Variants in TRIM55 observed in about 807,000 individuals in gnomAD.
TRIM55 encodes the protein tripartite motif-containing protein 55.
In TRIM55, 50 loss-of-function variants were observed where a neutral mutation model predicts 60.9. That is an observed-to-expected ratio of 0.82 (90% CI 0.65 to 1.04). The LOEUF (loss-of-function observed/expected upper bound fraction) is 1.04. TRIM55 is among the 50% of genes least tolerant of loss of function. TRIM55 has a pLI of 0.00. For missense variants in TRIM55, 681 were observed against 666.9 expected, an observed-to-expected ratio of 1.02 and a Z score of -0.23; for synonymous variants, 237 against 238.1, an observed-to-expected ratio of 1.00 and a Z score of 0.04.
At chr8:66,170,278 A>G (rs1209867346) in intron 9 of TRIM55, among the ~76,000 whole-genome samples, 3 of 152,156 alleles carry the variant, frequency 2.0e-5, no homozygotes, top group African/African-American at 7.2e-5. Flanking sequence ...CCATCATCCT[A>G]GTTTCTGTCT....
chr8:66,154,287 G>A lies in TRIM55; in HGVS notation c.1477G>A (p.Ala493Thr). 2 of 1,614,126 alleles carry A rather than the reference G, an allele frequency of 1.2e-6. No homozygotes were observed. The highest frequency in any genetic ancestry group is 1.7e-6 in the Non-Finnish European group (2 of 1,180,026). The change falls in exon 9 of 10, where the codon GCA becomes ACA. Residue 493 changes from alanine to threonine, a missense_variant. Ala to Thr is a moderately conservative substitution (Grantham distance 58). Coordinates refer to ENST00000315962, the MANE Select transcript of TRIM55 (RefSeq NM_184085.2). ...EVAAAAASER[A>T]AVSGKETSAP... Reference sequence around the variant, plus strand: ...GGCAGCAGCCGCAGCGAGTGAGAGGGCAGCTGTGAGTGGTAAGGAAACTAG... The same window carrying A: ...GGCAGCAGCCGCAGCGAGTGAGAGGACAGCTGTGAGTGGTAAGGAAACTAG...
At chr8:66,127,654 C>T (rs1808886526) in intron 1 of TRIM55, among the ~76,000 whole-genome samples, 1 of 151,882 alleles carries the variant, frequency 6.6e-6, no homozygotes, top group Admixed American at 6.6e-5. Flanking sequence ...TGGCAAAACC[C>T]CATCTCCACT....
Position 66,153,859 on chromosome 8 carries a change from A to T in TRIM55, c.1237-188A>T, listed in dbSNP as rs144204537. Among the ~76,000 whole-genome samples, 432 of 152,264 alleles carry T rather than the reference A, an allele frequency of 2.8e-3. 4 individuals carry two copies. Among genetic ancestry groups the T allele is most frequent in the African/African-American group, 9.4e-3 (392 of 41,544 alleles). Reference sequence around the variant, plus strand: ...GGGCACCCATCCAGATGCTGGACAGAGGGGCACTGTAGTCACCATTCTGCC... The same window carrying T: ...GGGCACCCATCCAGATGCTGGACAGTGGGGCACTGTAGTCACCATTCTGCC... On this transcript the variant is annotated intron_variant, in intron 8 of 9. Coordinates refer to ENST00000315962, the MANE Select transcript of TRIM55 (RefSeq NM_184085.2).
intron 7 of TRIM55, 138 bp downstream of exon 7, chr8:66,150,604 G>T (rs1810362269): frequency 3.0e-6 from 3 of 985,616 alleles, no homozygotes; most frequent in Non-Finnish European, 4.5e-6. Context: ...TATCCAATGT[G>T]AAGCTCTATT....
intron 9 of TRIM55, among the ~76,000 whole-genome samples, chr8:66,161,259 C>G (rs984913499): frequency 2.6e-5 from 4 of 152,070 alleles, no homozygotes; most frequent in Non-Finnish European, 4.4e-5. Context: ...GCCAATTATC[C>G]CAGCACCATT....
intron 2 of TRIM55, among the ~76,000 whole-genome samples, chr8:66,130,373 T>C (rs893992065): frequency 6.6e-6 from 1 of 152,246 alleles, no homozygotes; most frequent in Non-Finnish European, 1.5e-5. Flanking sequence ...GGGACAATTT[T>C]ACTTGGTAGC....
chr8:66,121,985 G>T (rs1808650157), upstream of TRIM55, among the ~76,000 whole-genome samples: 1 of 152,118 alleles, frequency 6.6e-6, no homozygotes, highest in Non-Finnish European at 1.5e-5. Flanking sequence ...ATTTGGGAGT[G>T]AATAAAATGT....
Position 66,154,064 on chromosome 8 carries a change from T to C in TRIM55, c.1254T>C (p.Thr418=), listed in dbSNP as rs144208714. The change falls in exon 9 of 10, where the codon ACT becomes ACC. Residue 418 remains threonine, a synonymous_variant. Coordinates refer to ENST00000315962, the MANE Select transcript of TRIM55 (RefSeq NM_184085.2). ...APVTQGEVVP[T]GSEQTTESET... ...TGATTAAGGGGGAGGTTGTACCCAC[T>C]GGCTCTGAGCAGACCACAGAGTCTG... The C allele has an allele frequency of 3.9e-4, 626 of 1,613,802 alleles. 1 individual carries two copies. The highest frequency in any genetic ancestry group is 2.0e-3 in the Middle Eastern group (12 of 6,062).
upstream of TRIM55, among the ~76,000 whole-genome samples, chr8:66,125,386 A>G (rs58457127): frequency 0.023 from 3,580 of 152,350 alleles, 148 homozygotes; most frequent in African/African-American, 0.081. Context: ...AGAGCCTCAC[A>G]CAATGGAGAC....
In TRIM55 at chr8:66,174,550, G is replaced by T; in HGVS notation, c.1604G>T (p.Arg535Leu). ...AGTGGAGCTGATTCTGAGCCAGCTCGCCATATCTTCTCCTTTTCCTGGTTG... is the reference window on the plus strand; with the variant it reads ...AGTGGAGCTGATTCTGAGCCAGCTCTCCATATCTTCTCCTTTTCCTGGTTG... ...SGSGADSEPARHIFSFSWLNS... is the reference protein window; with the variant it reads ...SGSGADSEPALHIFSFSWLNS... The change falls in exon 10 of 10, where the codon CGC becomes CTC. Residue 535 changes from arginine (R) to leucine (L), a missense_variant. Physicochemically the swap from Arg to Leu is moderately radical, Grantham distance 102. Transcript: ENST00000315962. The T allele has an allele frequency of 6.2e-7, 1 of 1,608,452 alleles. No individual in the cohort carries two copies. Among genetic ancestry groups the T allele is most frequent in the Non-Finnish European group, 8.5e-7 (1 of 1,178,206 alleles).
intron 4 of TRIM55, among the ~76,000 whole-genome samples, chr8:66,137,724 T>C (rs1809562434): frequency 6.8e-6 from 1 of 146,662 alleles, no homozygotes; most frequent in Admixed American, 6.9e-5. Context: ...ACTTGCCCTC[T>C]GCCTGGCCCA....
intron 9 of TRIM55, among the ~76,000 whole-genome samples, chr8:66,163,932 ATG>A (rs1453886702): frequency 6.6e-6 from 1 of 151,768 alleles, no homozygotes; most frequent in Non-Finnish European, 1.5e-5. Flanking sequence ...TTTTTGCCTT[ATG>A]TGTTTGGAAA....
upstream of TRIM55, among the ~76,000 whole-genome samples, chr8:66,125,096 A>G (rs2128971100): frequency 6.6e-6 from 1 of 152,330 alleles, no homozygotes; most frequent in Non-Finnish European, 1.5e-5. Context: ...CCCACAACTG[A>G]AATTTTTTTT....
chr8:66,134,500 G>T (rs1262629658), intron 2 of TRIM55, among the ~76,000 whole-genome samples: 2 of 152,078 alleles, frequency 1.3e-5, no homozygotes, highest in Non-Finnish European at 2.9e-5. Context: ...ACTCCTAAAA[G>T]CTGGTGCAAA....
chr8:66,150,168 CTT>C (rs1438228281), intron 5 of TRIM55, 47 bp from the exon 6 acceptor site: 2 of 1,596,966 alleles, frequency 1.3e-6, no homozygotes, highest in Non-Finnish European at 1.7e-6. Flanking sequence ...TTACCACTGT[CTT>C]TTGTGGAAAT....
At chr8:66,126,915 A>G (rs1252088747), upstream of TRIM55, 6 of 187,762 alleles carry the variant, frequency 3.2e-5, no homozygotes, top group Admixed American at 3.5e-4. Context: ...GACAACTGTC[A>G]GCTTCGACCT....
chr8:66,148,655 T>A (rs907108528), intron 4 of TRIM55, among the ~76,000 whole-genome samples: 3 of 152,170 alleles, frequency 2.0e-5, no homozygotes, highest in African/African-American at 7.2e-5. Context: ...GATAGTAGAA[T>A]GTTATGAGAG....
chr8:66,120,739 C>T, the TRIM55 span, among the ~76,000 whole-genome samples: 13,452 of 152,174 alleles, frequency 0.088, 987 homozygotes, highest in African/African-American at 0.2. Context: ...GCAACCTTGC[C>T]CTATGCATTT....
chr8:66,130,058 T>C lies in TRIM55; in HGVS notation c.341+1582T>C, dbSNP rs1032552525. ...TGTTCTATTTATTGCAATAAATTTA[T>C]GTTTTGTTACTTGTCACAGTGGGAA... On this transcript the variant is annotated intron_variant, in intron 2 of 9. Transcript: ENST00000315962. Among the ~76,000 whole-genome samples the C allele has an allele frequency of 5.9e-4, 90 of 152,380 alleles. 1 individual carries two copies. The highest frequency in any genetic ancestry group is 2.6e-4 in the Non-Finnish European group (18 of 68,032).
Sources: gnomAD v4.1 joint callset for allele counts (sites outside exome capture counted in the v4.1 genomes callset) on GRCh38, gnomAD v4.1.1 for gene constraint, MANE v1.5 for transcripts, NCBI Gene and HGNC (gene_info 2026-07-23, HGNC 2026-07-21) for gene names.